PCDH7: variants seen among roughly 807,000 people sequenced by gnomAD.
PCDH7 encodes the protein protocadherin 7, also known as protocadherin-7.
In PCDH7, 17 loss-of-function variants were observed where a neutral mutation model predicts 58.9. The ratio of observed to expected loss-of-function variants is 0.29; its 90% CI spans 0.20 to 0.43. The LOEUF (loss-of-function observed/expected upper bound fraction) is 0.43. PCDH7 is among the 20% of genes least tolerant of loss of function. PCDH7 has a pLI of 1.00. For missense variants in PCDH7, 1,274 were observed against 1,441.0 expected, an observed-to-expected ratio of 0.88 and a Z score of 1.88; for synonymous variants, 664 against 616.4, an observed-to-expected ratio of 1.08 and a Z score of -1.14.
chr4:30,920,920 C>T (rs1177539990), intron 2 of PCDH7, among the ~76,000 whole-genome samples: 3 of 151,950 alleles, frequency 2.0e-5, no homozygotes, highest in Non-Finnish European at 2.9e-5. Context: ...TAGAATTTCC[C>T]TCCTATTCAA....
chr4:31,122,931 AATAGCT>A (rs1717863291), intron 3 of PCDH7, among the ~76,000 whole-genome samples: 1 of 151,998 alleles, frequency 6.6e-6, no homozygotes, highest in Non-Finnish European at 1.5e-5. Flanking sequence ...GTTAACTTTG[AATAGCT>A]AGTAATTATA....
At chr4:30,880,905 T>C (rs544586681) in intron 1 of PCDH7, among the ~76,000 whole-genome samples, 1 of 152,218 alleles carries the variant, frequency 6.6e-6, no homozygotes. Flanking sequence ...ACTCAAACAA[T>C]GACATCAAGA....
intron 3 of PCDH7, among the ~76,000 whole-genome samples, chr4:31,086,365 C>G (rs1044134330): frequency 6.6e-6 from 1 of 152,166 alleles, no homozygotes; most frequent in Non-Finnish European, 1.5e-5. Flanking sequence ...TATTTTAAGT[C>G]TGTTTTTGCA....
chr4:30,920,293 G>T lies in PCDH7; in HGVS notation c.213G>T (p.Ala71=), dbSNP rs544189364. The change falls in exon 2 of 4, where the codon GCG becomes GCT. Residue 71 remains alanine, a synonymous_variant. Coordinates refer to the PCDH7 transcript ENST00000509759. Reference sequence around the variant, plus strand: ...GTTCATCAGGGCCAAGACTGGGTGCGCTTCCACTCCCAGAGGACAACTATG... The same window carrying T: ...GTTCATCAGGGCCAAGACTGGGTGCTCTTCCACTCCCAGAGGACAACTATG... 6.0e-5 allele frequency: 82 copies of T among 1,367,378 alleles called. No homozygotes were observed. The Middle Eastern group carries it at 1.0e-3, about 17-fold the overall frequency. 84.7% of individuals were successfully genotyped at this position (1,367,378 alleles called of 1,614,324 possible). A position where few individuals can be genotyped will look rare whatever the true frequency, so the allele number is the denominator to read the frequency against.
chr4:31,057,713 T>C (rs569867850), intron 3 of PCDH7, among the ~76,000 whole-genome samples: 1 of 152,256 alleles, frequency 6.6e-6, no homozygotes, highest in East Asian at 1.9e-4. Context: ...TTATTGCTCA[T>C]TACTATACAT....
intron 1 of PCDH7, among the ~76,000 whole-genome samples, chr4:30,879,453 T>TC (rs1736685364): frequency 6.6e-6 from 1 of 152,210 alleles, no homozygotes; most frequent in East Asian, 1.9e-4. Context: ...TATTTTTTTT[T>TC]GCAAAATTTC....
chr4:30,743,819 A>T (rs931127602), intron 1 of PCDH7, among the ~76,000 whole-genome samples: 1 of 151,758 alleles, frequency 6.6e-6, no homozygotes, highest in Non-Finnish European at 1.5e-5. Context: ...ACTAAAAAAA[A>T]TCAGTTTGGT....
At chr4:30,931,259 GA>G (rs1279341918) in intron 2 of PCDH7, among the ~76,000 whole-genome samples, 1 of 151,888 alleles carries the variant, frequency 6.6e-6, no homozygotes, top group Non-Finnish European at 1.5e-5. Context: ...ATGTCCAAAA[GA>G]AAAAAAGAAG....
intron 3 of PCDH7, among the ~76,000 whole-genome samples, chr4:31,030,707 G>A (rs921364098): frequency 6.6e-6 from 1 of 152,084 alleles, no homozygotes; most frequent in African/African-American, 2.4e-5. Flanking sequence ...GAAAAGACAA[G>A]ACAGCTACTG....
chr4:30,812,053 T>C (rs1727093236), intron 1 of PCDH7, among the ~76,000 whole-genome samples: 1 of 152,176 alleles, frequency 6.6e-6, no homozygotes, highest in South Asian at 2.1e-4. Flanking sequence ...GAATGAAAAG[T>C]TACATTATTG....
At chr4:31,140,514 A>AT (rs903282892) in intron 3 of PCDH7, among the ~76,000 whole-genome samples, 3 of 151,944 alleles carry the variant, frequency 2.0e-5, no homozygotes, top group African/African-American at 7.2e-5. Context: ...CAGTGAAAAA[A>AT]AAAAAAGGAA....
chr4:30,881,765 G>A (rs935930494), intron 1 of PCDH7, among the ~76,000 whole-genome samples: 1 of 152,086 alleles, frequency 6.6e-6, no homozygotes, highest in East Asian at 1.9e-4. Context: ...TGACTTGCAG[G>A]TTCCACCTTC....
chr4:31,080,180 C>A (rs185346743), intron 3 of PCDH7, among the ~76,000 whole-genome samples: 2 of 152,246 alleles, frequency 1.3e-5, no homozygotes, highest in African/African-American at 4.8e-5. Flanking sequence ...TCTTCTACCA[C>A]TTTTTAAAAT....
intron 2 of PCDH7, among the ~76,000 whole-genome samples, chr4:30,927,310 G>T (rs1023073454): frequency 1.3e-5 from 2 of 152,122 alleles, no homozygotes; most frequent in African/African-American, 4.8e-5. Flanking sequence ...AAAACCTTGT[G>T]CTGTGAGGAG....
chr4:30,849,216 G>A (rs1264279930), intron 1 of PCDH7, among the ~76,000 whole-genome samples: 3 of 152,220 alleles, frequency 2.0e-5, no homozygotes, highest in Admixed American at 6.6e-5. Context: ...GGGCTTGTGT[G>A]TAAGAGAACA....
At chr4:30,973,416 G>A (rs1022487427) in intron 3 of PCDH7, among the ~76,000 whole-genome samples, 3 of 152,162 alleles carry the variant, frequency 2.0e-5, no homozygotes, top group Non-Finnish European at 2.9e-5. Context: ...CATACAAAAT[G>A]TTTAACTGAG....
At chr4:30,762,554 G>T (rs1720164644) in intron 1 of PCDH7, among the ~76,000 whole-genome samples, 1 of 152,078 alleles carries the variant, frequency 6.6e-6, no homozygotes, top group Admixed American at 6.6e-5. Context: ...TAAAAAAAAG[G>T]ATTCCCTTTG....
intron 3 of PCDH7, among the ~76,000 whole-genome samples, chr4:30,962,703 G>A (rs1748562541): frequency 6.7e-6 from 1 of 148,724 alleles, no homozygotes; most frequent in African/African-American, 2.5e-5. Flanking sequence ...GATCACTTGA[G>A]CCTGGGAGGT....
rs770924379 is a variant in PCDH7, at chr4:30,722,468, C to T, written c.1046C>T (p.Ala349Val). The change falls in exon 1 of 2, where the codon GCG (alanine) becomes GTG (valine). Residue 349 changes from alanine to valine, a missense_variant. Ala to Val is a moderately conservative substitution (Grantham distance 64, BLOSUM62 0). Coordinates refer to ENST00000361762, the Ensembl canonical transcript of PCDH7. This position sits in a 1 kb window ranked among gnomAD's most constrained non-coding sequence, Gnocchi z 7.6. The stretch of plus-strand genomic sequence containing the variant: ...GGGCAGATCGAATACGTGTTCGGGG[C>T]GGCCACCGAGTCGGTGAGGCGGCTG... 1 of 1,609,374 alleles carries T rather than the reference C, an allele frequency of 6.2e-7. No individual in the cohort carries two copies. The highest frequency in any genetic ancestry group is 1.3e-5 in the African/African-American group (1 of 74,798).
Sources: gnomAD v4.1 joint callset for allele counts (sites outside exome capture counted in the v4.1 genomes callset) on GRCh38, gnomAD v4.1.1 for gene constraint, Gnocchi (gnomAD v3.1) non-coding constraint, MANE v1.5 for transcripts, NCBI Gene and HGNC (gene_info 2026-07-23, HGNC 2026-07-21) for gene names.